RNF170: variants seen among roughly 807,000 people sequenced by gnomAD.
RNF170 encodes ring finger protein 170.
In RNF170, 12 loss-of-function variants were observed where a neutral mutation model predicts 32.7. That is an observed-to-expected ratio of 0.37 (90% CI 0.24 to 0.60). The LOEUF (loss-of-function observed/expected upper bound fraction) is 0.60. RNF170 is among the 20% of genes least tolerant of loss of function. RNF170 has a pLI of 0.72. For synonymous variants in RNF170, 91 were observed against 103.6 expected (o/e 0.88, Z 0.74); for missense variants, 212 against 311.2 (o/e 0.68, Z 2.40).
chr8:42,890,472 T>C (rs1806210337), intron 1 of RNF170, among the ~76,000 whole-genome samples: 1 of 151,810 alleles, frequency 6.6e-6, no homozygotes, highest in African/African-American at 2.4e-5. Context: ...AGAGATGGGG[T>C]TTCACTGTGT....
intron 3 of RNF170, among the ~76,000 whole-genome samples, chr8:42,870,871 C>T (rs1048849735): frequency 4.6e-5 from 7 of 152,022 alleles, no homozygotes; most frequent in African/African-American, 1.2e-4. Flanking sequence ...ATCATGAGGG[C>T]AAGGGATTTA....
intron 3 of RNF170, among the ~76,000 whole-genome samples, 162 bp downstream of exon 3, chr8:42,873,769 T>C (rs117108780): frequency 0.028 from 4,304 of 152,278 alleles, 85 homozygotes; most frequent in African/African-American, 0.05. Flanking sequence ...GCTAGGCAAT[T>C]TGCCCATTCT....
Position 42,887,742 on chromosome 8 carries a change from T to C in RNF170, c.123A>G (p.Val41=), listed in dbSNP as rs144944447. The C allele has an allele frequency of 6.2e-7, 1 of 1,614,144 alleles. No individual in the cohort carries two copies. ...TTAAATCTCACCTGAAAAGTGCATA[T>C]ACCAGGGTAGCAATCAAAGCGAAAC... The part of the protein sequence containing the change: ...VVSFALIATL[V]YALFRNVHQN... Residue 41 remains valine, a synonymous_variant, in exon 2 of 7, where the codon GTA becomes GTG. Transcript: ENST00000527424.
At chr8:42,893,800 A>C (rs1806511837) in intron 1 of RNF170, among the ~76,000 whole-genome samples, 1 of 152,146 alleles carries the variant, frequency 6.6e-6, no homozygotes, top group Non-Finnish European at 1.5e-5. Flanking sequence ...CTCTTTAATC[A>C]CAGCTCTAAG....
At chr8:42,871,907 CT>C (rs1804552266) in intron 3 of RNF170, among the ~76,000 whole-genome samples, 2 of 152,226 alleles carry the variant, frequency 1.3e-5, no homozygotes. Context: ...ATTAACGGTG[CT>C]GTCCAACAGA....
intron 1 of RNF170, among the ~76,000 whole-genome samples, chr8:42,892,725 G>A (rs1417054388): frequency 7.0e-6 from 1 of 143,706 alleles, no homozygotes; most frequent in Admixed American, 7.3e-5. Flanking sequence ...TGTGATTCAC[G>A]CCTGTAATCA....
chr8:42,852,474 A>G (rs563902331), downstream of RNF170, among the ~76,000 whole-genome samples: 1 of 151,792 alleles, frequency 6.6e-6, no homozygotes, highest in South Asian at 2.1e-4. Flanking sequence ...CTGGAGTGCA[A>G]TGGCATGATC....
chr8:42,896,477 GA>G lies in RNF170; in HGVS notation c.-8+6del, dbSNP rs1182533489. On this transcript the variant is annotated splice_donor_region_variant and intron_variant, in intron 1 of 6. Coordinates refer to ENST00000527424, the MANE Select transcript of RNF170 (RefSeq NM_030954.4). The stretch of plus-strand genomic sequence containing the variant: ...GGGTGGGCGTGGCCGCCGCGCGCCG[GA>G]CGTACCTCTCCACCGCGAAGGAACT... 6.6e-6 allele frequency: 3 copies of G among 453,792 alleles called. No homozygotes were observed. Among genetic ancestry groups the G allele is most frequent in the African/African-American group, 6.0e-5 (3 of 49,958 alleles). 28.1% of individuals were successfully genotyped at this position (453,792 alleles called of 1,614,324 possible).
chr8:42,856,117 A>C lies in RNF170; in HGVS notation c.*42T>G, dbSNP rs1230750991. 6.2e-7 allele frequency: 1 copy of C among 1,609,698 alleles called. No homozygotes were observed. The highest frequency in any genetic ancestry group is 2.2e-5 in the East Asian group (1 of 44,838). On this transcript the variant is annotated 3_prime_UTR_variant, in exon 7 of 7. Coordinates refer to ENST00000527424, the MANE Select transcript of RNF170 (RefSeq NM_030954.4). Reference sequence around the variant, plus strand: ...TGGGTCCTTCTGTTTGATGTTCTACATTAGCTCAGATATCCTAGTAAACTC... The same window carrying C: ...TGGGTCCTTCTGTTTGATGTTCTACCTTAGCTCAGATATCCTAGTAAACTC...
At chr8:42,858,348 T>G (rs1484299650) in intron 6 of RNF170, among the ~76,000 whole-genome samples, 1 of 152,108 alleles carries the variant, frequency 6.6e-6, no homozygotes, top group African/African-American at 2.4e-5. Flanking sequence ...CAATGGAGCA[T>G]GAGCACATGT....
downstream of RNF170, chr8:42,853,164 C>A: frequency 3.5e-6 from 1 of 282,352 alleles, no homozygotes. Flanking sequence ...AAAAACCTAA[C>A]AAAATTAATT....
chr8:42,854,237 G>GACTTC lies in RNF170; in HGVS notation c.*1921_*1922insGAAGT. On this transcript the variant is annotated 3_prime_UTR_variant, in exon 7 of 7. Coordinates refer to ENST00000527424, the MANE Select transcript of RNF170 (RefSeq NM_030954.4). Reference sequence around the variant, plus strand: ...CTTACTCTGATGGAGGTATAATGTAGCACGAAAGACTTCCAAAGAACCAGT... The same window carrying GACTTC: ...CTTACTCTGATGGAGGTATAATGTAGACTTCCACGAAAGACTTCCAAAGAACCAGT... The GACTTC allele has an allele frequency of 7.8e-7, 1 of 1,287,188 alleles. No homozygotes were observed. The highest frequency in any genetic ancestry group is 1.0e-6 in the Non-Finnish European group (1 of 988,698). The allele number at this position is 1,287,188 out of a possible 1,614,324, so 79.7% of individuals were successfully genotyped here.
At chr8:42,892,570 TTTA>T (rs1806392418) in intron 1 of RNF170, among the ~76,000 whole-genome samples, 1 of 152,170 alleles carries the variant, frequency 6.6e-6, no homozygotes, top group Non-Finnish European at 1.5e-5. Context: ...CCCTCAAAAT[TTTA>T]TTATTATTAA....
At chr8:42,873,055 C>A (rs1037789211) in intron 3 of RNF170, among the ~76,000 whole-genome samples, 9 of 152,116 alleles carry the variant, frequency 5.9e-5, no homozygotes, top group Admixed American at 2.6e-4. Context: ...CCACCATACC[C>A]AGCTAGCTTT....
intron 2 of RNF170, among the ~76,000 whole-genome samples, chr8:42,882,098 A>G (rs2128946862): frequency 6.6e-6 from 1 of 152,348 alleles, no homozygotes; most frequent in East Asian, 1.9e-4. Context: ...CACATAGGGA[A>G]CAACAGTGTT....
At chr8:42,891,994 G>A (rs2130192796) in intron 1 of RNF170, among the ~76,000 whole-genome samples, 1 of 152,212 alleles carries the variant, frequency 6.6e-6, no homozygotes, top group Admixed American at 6.5e-5. Flanking sequence ...TATGCAAACT[G>A]AGCTTCAATG....
At chr8:42,876,527 T>C (rs1804943708) in intron 2 of RNF170, among the ~76,000 whole-genome samples, 1 of 152,070 alleles carries the variant, frequency 6.6e-6, no homozygotes, top group Non-Finnish European at 1.5e-5. Flanking sequence ...CTACAAACCA[T>C]GAAGCCAATT....
chr8:42,879,051 T>C (rs1805173942), intron 2 of RNF170, among the ~76,000 whole-genome samples: 1 of 152,212 alleles, frequency 6.6e-6, no homozygotes, highest in Non-Finnish European at 1.5e-5. Flanking sequence ...AAAATATTAC[T>C]GCATACATCT....
rs546353768 is a variant in RNF170, at chr8:42,891,103, A to G, written c.-7-3232T>C. 5.9e-5 allele frequency among the ~76,000 whole-genome samples: 9 copies of G among 152,338 alleles called. No individual in the cohort carries two copies. The South Asian group carries it at 1.9e-3, about 32-fold the overall frequency. ...CTAAACAGTGCTGCTGATTCTGTCCAACCATACAGGCTCTAAACTGAAGCC... is the reference window on the plus strand; with the variant it reads ...CTAAACAGTGCTGCTGATTCTGTCCGACCATACAGGCTCTAAACTGAAGCC... On this transcript the variant is annotated intron_variant, in intron 1 of 6. Coordinates refer to ENST00000527424, the MANE Select transcript of RNF170 (RefSeq NM_030954.4).
Sources: gnomAD v4.1 joint callset for allele counts (sites outside exome capture counted in the v4.1 genomes callset) on GRCh38, gnomAD v4.1.1 for gene constraint, MANE v1.5 for transcripts, NCBI Gene and HGNC (gene_info 2026-07-23, HGNC 2026-07-21) for gene names.